ZNF490: variants seen among roughly 807,000 people sequenced by gnomAD.
The protein encoded by ZNF490 is zinc finger protein 490.
In ZNF490, 11 loss-of-function variants were observed where a neutral mutation model predicts 17.7. The ratio of observed to expected loss-of-function variants is 0.62; its 90% CI spans 0.39 to 1.03. ZNF490 has a LOEUF of 1.03. Ranked by LOEUF, ZNF490 falls within the 50% of genes least tolerant of loss-of-function variation. ZNF490 has a pLI of 0.00. For missense variants in ZNF490, 542 were observed against 643.4 expected (o/e 0.84, Z 1.71); for synonymous variants, 222 against 216.1 (o/e 1.03, Z -0.24).
At chr19:12,600,014 A>G (rs1163712141) in intron 2 of ZNF490, among the ~76,000 whole-genome samples, 4 of 152,362 alleles carry the variant, frequency 2.6e-5, no homozygotes, top group Non-Finnish European at 4.4e-5. Context: ...ATTGCCAAAC[A>G]TTGGCGTAAA....
At chr19:12,597,363 C>T (rs1316656275) in intron 2 of ZNF490, 3 of 308,406 alleles carry the variant, frequency 9.7e-6, no homozygotes, top group African/African-American at 2.2e-5. Context: ...TTTGTGTGCC[C>T]CCGCCCCCTG....
In ZNF490 at chr19:12,580,956, T is replaced by C. The variant is rs2022723687; in HGVS notation, c.1119A>G (p.Ser373=). The C allele has an allele frequency of 1.2e-6, 2 of 1,614,070 alleles. No homozygotes were observed. The highest frequency in any genetic ancestry group is 1.7e-6 in the Non-Finnish European group (2 of 1,180,024). The change falls in exon 5 of 5, where the codon TCA becomes TCG. Residue 373 remains serine (S), a synonymous_variant. Coordinates refer to ENST00000311437, the MANE Select transcript of ZNF490 (RefSeq NM_020714.3). ...TCKKCGEAFK[S]SSSCEVHERT... ...TTTCGTGCACTTCACAGGAACTAGA[T>C]GACTTGAAGGCTTCCCCACATTTCT...
intron 2 of ZNF490, among the ~76,000 whole-genome samples, chr19:12,595,433 CT>C (rs1235361724): frequency 2.0e-5 from 3 of 151,886 alleles, no homozygotes; most frequent in Non-Finnish European, 4.4e-5. Flanking sequence ...TTGCATAATT[CT>C]TTTACTATAT....
rs2022732862 is a variant in ZNF490, at chr19:12,581,430, A to C, written c.645T>G (p.Ile215Met). 2 of 1,614,226 alleles carry C rather than the reference A, an allele frequency of 1.2e-6. No homozygotes were observed. Among genetic ancestry groups the C allele is most frequent in the Non-Finnish European group, 1.7e-6 (2 of 1,180,024 alleles). The change falls in exon 5 of 5, where the codon ATT becomes ATG. Residue 215 changes from isoleucine (I) to methionine (M), a missense_variant. Coordinates refer to ENST00000311437, the MANE Select transcript of ZNF490 (RefSeq NM_020714.3). ...ATTCATAGGGTTTCTCTCCAGTGTG[A>C]ATTCTTTCATGGGTTCGAATACTGG... ...RSSSIRTHER[I>M]HTGEKPYECK...
At position 12,580,418 on chromosome 19, in the gene ZNF490, A is replaced by G. The variant is rs191180372; in HGVS notation, c.*67T>C. The G allele has an allele frequency of 1.2e-5, 18 of 1,511,830 alleles. No homozygotes were observed. Among genetic ancestry groups the G allele is most frequent in the African/African-American group, 1.4e-5 (1 of 71,798 alleles). The allele number at this position is 1,511,830 out of a possible 1,614,324, so 93.7% of individuals were successfully genotyped here. On this transcript the variant is annotated 3_prime_UTR_variant, in exon 5 of 5. Coordinates refer to ENST00000311437, the MANE Select transcript of ZNF490 (RefSeq NM_020714.3). ...GTTTACATTCCTTGAATTTCTCTCC[A>G]GCGTAAGTACTCTCATACATCCAAA...
At chr19:12,594,949 A>G (rs558461570) in intron 2 of ZNF490, among the ~76,000 whole-genome samples, 1 of 152,288 alleles carries the variant, frequency 6.6e-6, no homozygotes, top group South Asian at 2.1e-4. Flanking sequence ...CAGAGATGTT[A>G]AAATTAATTC....
At chr19:12,588,639 G>A (rs1363733062) in intron 2 of ZNF490, among the ~76,000 whole-genome samples, 1 of 152,156 alleles carries the variant, frequency 6.6e-6, no homozygotes, top group East Asian at 1.9e-4. Flanking sequence ...TTGAAATCCA[G>A]AATAATTCAT....
In ZNF490 at chr19:12,581,299, A is replaced by C; in HGVS notation, c.776T>G (p.Phe259Cys). ...GCGCCGAAGAGCAGTGAGATATCTG[A>C]ATGCCTTCCCACATTCCTTACATTC... Reference protein sequence around the residue: ...PYECKECGKAFRYLTALRRHE... With the variant: ...PYECKECGKACRYLTALRRHE... The change falls in exon 5 of 5, where the codon TTC becomes TGC. Residue 259 changes from phenylalanine (F) to cysteine (C), a missense_variant. Coordinates refer to ENST00000311437, the MANE Select transcript of ZNF490 (RefSeq NM_020714.3). 1.2e-6 allele frequency: 2 copies of C among 1,614,142 alleles called. No individual in the cohort carries two copies.
At chr19:12,594,378 A>T (rs2022907988) in intron 2 of ZNF490, among the ~76,000 whole-genome samples, 1 of 151,794 alleles carries the variant, frequency 6.6e-6, no homozygotes, top group Non-Finnish European at 1.5e-5. Context: ...AGGTAGGAGA[A>T]TTGCTTGAAC....
At chr19:12,591,397 C>G (rs1370710914) in intron 2 of ZNF490, among the ~76,000 whole-genome samples, 3 of 144,070 alleles carry the variant, frequency 2.1e-5, no homozygotes, top group South Asian at 2.3e-4. Context: ...GCCGCCCCCC[C>G]AAAAAAGAGT....
intron 2 of ZNF490, among the ~76,000 whole-genome samples, 198 bp from the exon 3 acceptor site, chr19:12,583,754 GCGCTCTCTCTCTCTCTCT>G (rs1315007242): frequency 1.1e-3 from 81 of 70,550 alleles, no homozygotes; most frequent in Admixed American, 3.7e-3. Flanking sequence ...AAAAATTATT[GCGCTCTCTCTCTCTCTCT>G]CTCTCTCTCT....
chr19:12,596,084 A>G (rs2022929195), intron 2 of ZNF490, among the ~76,000 whole-genome samples: 1 of 151,916 alleles, frequency 6.6e-6, no homozygotes, highest in Admixed American at 6.6e-5. Flanking sequence ...GGTCAATAAG[A>G]TGCAATCCCA....
chr19:12,608,077 C>G (rs1292555154), intron 2 of ZNF490, among the ~76,000 whole-genome samples: 1 of 152,126 alleles, frequency 6.6e-6, no homozygotes, highest in Admixed American at 6.6e-5. Flanking sequence ...TGTAGTCATT[C>G]CCCATGAAAT....
chr19:12,610,460 T>G, intron 1 of ZNF490, 104 bp downstream of exon 1: 1 of 966,902 alleles, frequency 1.0e-6, no homozygotes, highest in Non-Finnish European at 1.6e-6. Flanking sequence ...AAGATTAAAA[T>G]GCAACCACAC....
At chr19:12,597,254 T>C (rs2022946064) in intron 2 of ZNF490, 1 of 451,594 alleles carries the variant, frequency 2.2e-6, no homozygotes, top group Admixed American at 2.4e-5. Flanking sequence ...AGTCCGAGGC[T>C]GGGACGCAAT....
At chr19:12,608,062 A>C (rs564149292) in intron 2 of ZNF490, among the ~76,000 whole-genome samples, 1 of 152,284 alleles carries the variant, frequency 6.6e-6, no homozygotes, top group African/African-American at 2.4e-5. Context: ...CACATGCATG[A>C]AGGCTGTAGT....
chr19:12,577,335 T>C lies in ZNF490; in HGVS notation c.*3150A>G, dbSNP rs564795174. ...AGATACCCCTTAGTTCCCCAATACC[T>C]ATCACAAAAGATGGCTCCTTGAGCC... On this transcript the variant is annotated 3_prime_UTR_variant, in exon 5 of 5. Transcript: ENST00000311437. Among the ~76,000 whole-genome samples the C allele has an allele frequency of 1.7e-4, 26 of 152,278 alleles. No individual in the cohort carries two copies. Among genetic ancestry groups the C allele is most frequent in the African/African-American group, 6.3e-4 (26 of 41,564 alleles).
intron 2 of ZNF490, among the ~76,000 whole-genome samples, chr19:12,595,926 G>C (rs1335387094): frequency 6.6e-6 from 1 of 151,656 alleles, no homozygotes; most frequent in African/African-American, 2.4e-5. Flanking sequence ...ACTCCAGCCT[G>C]AGCAAAAGAG....
intron 1 of ZNF490, chr19:12,609,748 C>T: frequency 3.5e-6 from 1 of 289,494 alleles, no homozygotes; most frequent in Non-Finnish European, 6.7e-6. Flanking sequence ...TCAAAAACTG[C>T]ATCTTCTTAC....
Sources: allele counts gnomAD v4.1 joint callset (sites outside exome capture counted in the v4.1 genomes callset), GRCh38; gene constraint gnomAD v4.1.1; transcripts MANE v1.5; gene names NCBI Gene and HGNC (gene_info 2026-07-23, HGNC 2026-07-21).